The following OPHN1 variants were observed in gnomAD, a reference collection of about 807,000 sequenced individuals.
OPHN1 encodes the protein oligophrenin-1.
A neutral mutation model predicts 60.7 loss-of-function variants in OPHN1; 11 were observed. The ratio of observed to expected loss-of-function variants is 0.18; its 90% confidence interval spans 0.11 to 0.30. The LOEUF (loss-of-function observed/expected upper bound fraction) is 0.30. Among genes scored for constraint, OPHN1 ranks in the 10% least tolerant of loss-of-function variants. The pLI, the probability that OPHN1 is intolerant of heterozygous loss-of-function variation, is 1.00. For synonymous variants in OPHN1, 226 were observed against 222.6 expected, an observed-to-expected ratio of 1.02 and a Z score of -0.14; for missense variants, 449 against 611.0, an observed-to-expected ratio of 0.73 and a Z score of 2.80.
intron 2 of OPHN1, among the ~76,000 whole-genome samples, chrX:68,424,379 C>A (rs1426512830): frequency 2.7e-5 from 3 of 110,902 alleles, no homozygotes; most frequent in Non-Finnish European, 3.8e-5. Context: ...CTTAGTAAAA[C>A]CTTCTTGAAT....
intron 5 of OPHN1, among the ~76,000 whole-genome samples, chrX:68,269,393 T>C (rs1001494694): frequency 1.8e-5 from 2 of 111,169 alleles, no homozygotes; most frequent in African/African-American, 3.3e-5. Flanking sequence ...AACAGAGATA[T>C]AGACCAATGG....
intron 2 of OPHN1, among the ~76,000 whole-genome samples, chrX:68,352,749 T>C (rs763999888): frequency 8.9e-6 from 1 of 111,968 alleles, no homozygotes; most frequent in African/African-American, 3.2e-5. Flanking sequence ...GACAACTATT[T>C]TTAAAACTAG....
In OPHN1 at chrX:68,100,431, CA is replaced by C. The variant is rs376887429; in HGVS notation, c.1527-3403del. On this transcript the variant is annotated intron_variant, in intron 18 of 24. Coordinates refer to ENST00000355520, the MANE Select transcript of OPHN1 (RefSeq NM_002547.3). ...ATAAACAGTTCTAATCTTTTCAAGA[CA>C]AACTGAAATATTTGTGGATGAAATA... Among the ~76,000 whole-genome samples the C allele has an allele frequency of 2.8e-3, 312 of 111,426 alleles. 2 individuals are homozygous for C. Among genetic ancestry groups the C allele is most frequent in the African/African-American group, 9.7e-3 (298 of 30,645 alleles).
intron 5 of OPHN1, among the ~76,000 whole-genome samples, chrX:68,237,526 T>C (rs2077758653): frequency 8.9e-6 from 1 of 112,014 alleles, no homozygotes; most frequent in African/African-American, 3.2e-5. Context: ...TTCTTTAATT[T>C]CTTTCAATGA....
chrX:68,401,452 C>T (rs890262629), intron 2 of OPHN1, among the ~76,000 whole-genome samples: 6 of 112,100 alleles, frequency 5.4e-5, no homozygotes, highest in Admixed American at 1.9e-4. Context: ...AAGCCTGATA[C>T]ACACAAGGCC....
At chrX:68,273,684 T>C (rs73634110) in intron 5 of OPHN1, among the ~76,000 whole-genome samples, 6,356 of 111,841 alleles carry the variant, frequency 0.057, 448 homozygotes, top group African/African-American at 0.2. Context: ...GTTACCATAA[T>C]AGACAGCAAA....
intron 7 of OPHN1, 49 bp downstream of exon 7, chrX:68,213,813 A>C (rs371948273): frequency 1.7e-5 from 12 of 723,511 alleles, no homozygotes; most frequent in Non-Finnish European, 2.2e-5. Context: ...TACATTTACC[A>C]GGCATTTGAT....
intron 2 of OPHN1, among the ~76,000 whole-genome samples, chrX:68,403,352 G>A (rs1173558426): frequency 9.0e-6 from 1 of 111,694 alleles, no homozygotes; most frequent in Non-Finnish European, 1.9e-5. Context: ...GAAGGAAAAA[G>A]GCAGCAAATA....
At chrX:68,215,614 A>C (rs1347805717) in intron 6 of OPHN1, among the ~76,000 whole-genome samples, 5 of 111,948 alleles carry the variant, frequency 4.5e-5, no homozygotes, top group Non-Finnish European at 7.5e-5. Flanking sequence ...TCTTGAAAGA[A>C]GCTAGAGAGA....
chrX:68,235,960 C>T (rs2077751109), intron 5 of OPHN1, among the ~76,000 whole-genome samples: 1 of 110,206 alleles, frequency 9.1e-6, no homozygotes, highest in Non-Finnish European at 1.9e-5. Flanking sequence ...TAACCAAGGC[C>T]TACATCAGGC....
At chrX:68,252,500 GTTTAAAGTTCTTAT>G (rs1280926088) in intron 5 of OPHN1, among the ~76,000 whole-genome samples, 1 of 111,958 alleles carries the variant, frequency 8.9e-6, no homozygotes, top group Non-Finnish European at 1.9e-5. Flanking sequence ...ACACCAGCTT[GTTTAAAGTTCTTAT>G]TTTCCTGCCT....
chrX:68,131,843 A>T (rs1047469486), intron 15 of OPHN1, among the ~76,000 whole-genome samples: 1 of 112,516 alleles, frequency 8.9e-6, no homozygotes, highest in Non-Finnish European at 1.9e-5. Flanking sequence ...CAAAGAAAAC[A>T]TCAGTAAGTT....
At chrX:68,123,871 AG>A (rs1484729818) in intron 15 of OPHN1, among the ~76,000 whole-genome samples, 1 of 111,251 alleles carries the variant, frequency 9.0e-6, no homozygotes, top group African/African-American at 3.3e-5. Context: ...AATGGGACGG[AG>A]TAAATCATTA....
At chrX:68,433,756 C>G (rs1000987744), upstream of OPHN1, 1 of 296,271 alleles carries the variant, frequency 3.4e-6, no homozygotes, top group Non-Finnish European at 5.9e-6. Flanking sequence ...AACGTAGCCT[C>G]GCTCCATAGA....
chrX:68,378,053 T>A lies in OPHN1; in HGVS notation c.154+54814A>T, dbSNP rs1472953520. Among the ~76,000 whole-genome samples, 4 of 112,047 alleles carry A rather than the reference T, an allele frequency of 3.6e-5. No individual in the cohort carries two copies. In the East Asian group the frequency reaches 8.5e-4, roughly 24 times the overall value. On this transcript the variant is annotated intron_variant, in intron 2 of 24. Coordinates refer to ENST00000355520, the MANE Select transcript of OPHN1 (RefSeq NM_002547.3). Reference sequence around the variant, plus strand: ...CTAGTTTACAGTCCCACCAACAGTGTAAAAGTGTTCCTGTTTCTCCACATC... The same window carrying A: ...CTAGTTTACAGTCCCACCAACAGTGAAAAAGTGTTCCTGTTTCTCCACATC...
At chrX:68,348,516 T>A (rs1344491645) in intron 2 of OPHN1, among the ~76,000 whole-genome samples, 3 of 100,591 alleles carry the variant, frequency 3.0e-5, no homozygotes, top group African/African-American at 4.2e-5. Context: ...ATGATATACT[T>A]AGAAAAGACT....
At position 68,307,728 on chromosome X, in the gene OPHN1, A is replaced by T. The variant is rs773358783; in HGVS notation, c.155-8632T>A. ...GTATAGAACAGGAAAACATGTATAA[A>T]ACGTTATCTACAAGTACAGGTATAT... On this transcript the variant is annotated intron_variant, in intron 2 of 24. Coordinates refer to ENST00000355520, the MANE Select transcript of OPHN1 (RefSeq NM_002547.3). 3.6e-5 allele frequency among the ~76,000 whole-genome samples: 4 copies of T among 111,069 alleles called. No individual in the cohort carries two copies. The South Asian group carries it at 1.5e-3, about 42-fold the overall frequency.
At chrX:68,200,093 C>A (rs1459326067) in intron 11 of OPHN1, among the ~76,000 whole-genome samples, 1 of 111,653 alleles carries the variant, frequency 9.0e-6, no homozygotes, top group Admixed American at 9.5e-5. Context: ...ACCTACAGAC[C>A]AGGGTTTGAG....
rs1602362070 is a variant in OPHN1, at chrX:68,371,509, G to A, written c.154+61358C>T. ...GCCAGGATTAGAGGCATGAGCCACT[G>A]TGCCCAGCCCTCTTCAATGTTTGGA... On this transcript the variant is annotated intron_variant, in intron 2 of 24. Coordinates refer to ENST00000355520, the MANE Select transcript of OPHN1 (RefSeq NM_002547.3). Among the ~76,000 whole-genome samples, 3 of 110,964 alleles carry A rather than the reference G, an allele frequency of 2.7e-5. No individual in the cohort carries two copies. In the South Asian group the frequency reaches 1.1e-3, roughly 42 times the overall value.
Sources: gnomAD v4.1 joint callset for allele counts (sites outside exome capture counted in the v4.1 genomes callset) on GRCh38, gnomAD v4.1.1 for gene constraint, MANE v1.5 for transcripts, NCBI Gene and HGNC (gene_info 2026-07-23, HGNC 2026-07-21) for gene names.